The following FGF10 variants were observed in gnomAD, a reference collection of about 807,000 sequenced individuals.
FGF10 encodes fibroblast growth factor 10, also known as FGF-10.
FGF10 carries 2 observed loss-of-function variants against 19.8 expected under a neutral mutation model. That is an observed-to-expected ratio of 0.10 (90% CI 0.04 to 0.32). The LOEUF is 0.32. FGF10 is among the 10% of genes least tolerant of loss of function. FGF10 has a pLI of 1.00. For synonymous variants in FGF10, 112 were observed against 94.0 expected, an observed-to-expected ratio of 1.19 and a Z score of -1.10; for missense variants, 191 against 246.3, an observed-to-expected ratio of 0.78 and a Z score of 1.50.
chr5:44,305,318 C>A (rs1319148184), intron 2 of FGF10, 126 bp from the exon 3 acceptor site: 3 of 766,984 alleles, frequency 3.9e-6, no homozygotes, highest in Non-Finnish European at 6.8e-6. Context: ...CTAAGTTGTG[C>A]ACTTAATACA....
At chr5:44,360,126 T>A (rs1394439122) in intron 1 of FGF10, among the ~76,000 whole-genome samples, 1 of 151,556 alleles carries the variant, frequency 6.6e-6, no homozygotes, top group Non-Finnish European at 1.5e-5. Flanking sequence ...AGATTATGAC[T>A]TCATGGAATA....
At chr5:44,356,583 T>G (rs985449749) in intron 1 of FGF10, among the ~76,000 whole-genome samples, 4 of 151,406 alleles carry the variant, frequency 2.6e-5, no homozygotes, top group African/African-American at 9.7e-5. Context: ...GTTCCTTTTC[T>G]AATATCGGTG....
intron 1 of FGF10, among the ~76,000 whole-genome samples, chr5:44,340,520 A>G (rs763100897): frequency 3.8e-4 from 58 of 152,144 alleles, no homozygotes; most frequent in Non-Finnish European, 1.6e-4. Context: ...AATAGGACAC[A>G]GATAAATGTT....
intron 1 of FGF10, among the ~76,000 whole-genome samples, chr5:44,335,365 T>C (rs567335283): frequency 1.3e-5 from 2 of 152,238 alleles, no homozygotes; most frequent in East Asian, 1.9e-4. Flanking sequence ...CTAGTGGCTG[T>C]ATTTTCCATT....
intron 1 of FGF10, among the ~76,000 whole-genome samples, chr5:44,315,969 G>T (rs953118305): frequency 3.9e-5 from 6 of 152,128 alleles, no homozygotes; most frequent in African/African-American, 1.4e-4. Context: ...GACCAATATT[G>T]GAACTGGGCC....
chr5:44,348,885 C>A (rs12513830), intron 1 of FGF10, among the ~76,000 whole-genome samples: 42,053 of 151,122 alleles, frequency 0.28, 6,206 homozygotes, highest in Admixed American at 0.4. Flanking sequence ...TTCTGGCTTA[C>A]CCTAAATGCT....
chr5:44,323,747 GACC>G (rs1353944651), intron 1 of FGF10, among the ~76,000 whole-genome samples: 4 of 152,108 alleles, frequency 2.6e-5, no homozygotes, highest in African/African-American at 9.7e-5. Context: ...TGATAGAAAA[GACC>G]AGAAATTATC....
At chr5:44,382,379 C>T (rs531501218) in intron 1 of FGF10, among the ~76,000 whole-genome samples, 12 of 152,112 alleles carry the variant, frequency 7.9e-5, no homozygotes, top group Non-Finnish European at 1.2e-4. Context: ...AAAATCTATA[C>T]AAATTAAGTA....
At chr5:44,337,882 A>G (rs891965060) in intron 1 of FGF10, among the ~76,000 whole-genome samples, 3 of 152,188 alleles carry the variant, frequency 2.0e-5, no homozygotes, top group African/African-American at 7.2e-5. Flanking sequence ...TGGAGGTTGC[A>G]GTGAGTTGAA....
chr5:44,347,962 G>T (rs1485490880), intron 1 of FGF10, among the ~76,000 whole-genome samples: 1 of 151,522 alleles, frequency 6.6e-6, no homozygotes, highest in Non-Finnish European at 1.5e-5. Flanking sequence ...AATTTAGAAG[G>T]TCAGTATAGG....
chr5:44,348,847 G>A (rs1216208832), intron 1 of FGF10, among the ~76,000 whole-genome samples: 1 of 151,438 alleles, frequency 6.6e-6, no homozygotes, highest in African/African-American at 2.4e-5. Context: ...GGTGACTTAT[G>A]TTTCCCCTCA....
chr5:44,334,337 A>G (rs574034700), intron 1 of FGF10, among the ~76,000 whole-genome samples: 19 of 152,176 alleles, frequency 1.2e-4, no homozygotes, highest in African/African-American at 4.3e-4. Context: ...AGAATATTCT[A>G]AGTTTGTTTC....
chr5:44,376,225 C>A (rs1240042685), intron 1 of FGF10, among the ~76,000 whole-genome samples: 1 of 151,674 alleles, frequency 6.6e-6, no homozygotes, highest in South Asian at 2.1e-4. Flanking sequence ...ATGCAGAGAC[C>A]AAGACCCAGG....
intron 1 of FGF10, among the ~76,000 whole-genome samples, chr5:44,367,429 CTCTG>C (rs1741643852): frequency 6.6e-6 from 1 of 151,998 alleles, no homozygotes; most frequent in South Asian, 2.1e-4. Context: ...ACTAATTTGC[CTCTG>C]TCTAATTGAA....
At chr5:44,364,999 A>T (rs1030217154) in intron 1 of FGF10, among the ~76,000 whole-genome samples, 1 of 151,944 alleles carries the variant, frequency 6.6e-6, no homozygotes, top group African/African-American at 2.4e-5. Context: ...ATATATAGAT[A>T]AAAATAGGTA....
intron 1 of FGF10, among the ~76,000 whole-genome samples, chr5:44,382,276 T>C (rs1361898057): frequency 2.0e-5 from 3 of 152,178 alleles, no homozygotes; most frequent in East Asian, 1.9e-4. Flanking sequence ...AAGAACACAA[T>C]TGATCTGATT....
intron 1 of FGF10, among the ~76,000 whole-genome samples, chr5:44,348,468 G>A (rs929594380): frequency 4.0e-5 from 6 of 151,316 alleles, no homozygotes; most frequent in Non-Finnish European, 8.9e-5. Context: ...TAATCATTTT[G>A]ACACTAATTG....
At chr5:44,308,533 C>T (rs900171758) in intron 2 of FGF10, among the ~76,000 whole-genome samples, 1 of 152,062 alleles carries the variant, frequency 6.6e-6, no homozygotes, top group African/African-American at 2.4e-5. Context: ...AAGGAAGAAC[C>T]TGGACATGTT....
At chr5:44,317,625 T>C (rs575363281) in intron 1 of FGF10, among the ~76,000 whole-genome samples, 1 of 152,296 alleles carries the variant, frequency 6.6e-6, no homozygotes, top group African/African-American at 2.4e-5. Flanking sequence ...TGACTCCAGA[T>C]CTTTCACAGT....
Sources: gnomAD v4.1 joint callset for allele counts (sites outside exome capture counted in the v4.1 genomes callset) on GRCh38, gnomAD v4.1.1 for gene constraint, MANE v1.5 for transcripts, NCBI Gene and HGNC (gene_info 2026-07-23, HGNC 2026-07-21) for gene names.